Variants in FAM118B observed in about 807,000 individuals in gnomAD.
FAM118B encodes the protein protein FAM118B.
Under a neutral mutation model 38.5 loss-of-function variants are expected in FAM118B, and 24 were observed. That is an observed-to-expected ratio of 0.62 (90% CI 0.45 to 0.88). The LOEUF is 0.88. FAM118B is among the 40% of genes least tolerant of loss of function. FAM118B has a pLI of 0.00. For synonymous variants in FAM118B, 138 were observed against 156.3 expected (o/e 0.88, Z 0.87); for missense variants, 334 against 420.0 (o/e 0.80, Z 1.79).
chr11:126,223,731 C>A (rs958108199), intron 1 of FAM118B, among the ~76,000 whole-genome samples: 3 of 152,066 alleles, frequency 2.0e-5, no homozygotes, highest in Non-Finnish European at 4.4e-5. Flanking sequence ...AGAAATAGTT[C>A]TTCCCCTAAG....
intron 1 of FAM118B, among the ~76,000 whole-genome samples, chr11:126,216,787 G>A (rs1368227443): frequency 6.6e-6 from 1 of 152,224 alleles, no homozygotes; most frequent in Non-Finnish European, 1.5e-5. Context: ...TCACCAATAG[G>A]GCAGGCTCAC....
At chr11:126,245,755 G>T (rs1376399579) in intron 4 of FAM118B, among the ~76,000 whole-genome samples, 1 of 152,076 alleles carries the variant, frequency 6.6e-6, no homozygotes, top group Non-Finnish European at 1.5e-5. Flanking sequence ...CCAGCAATTT[G>T]GGTGGCCAAG....
At chr11:126,246,007 AAAAG>A (rs1255706191) in intron 4 of FAM118B, among the ~76,000 whole-genome samples, 131 of 152,008 alleles carry the variant, frequency 8.6e-4, no homozygotes, top group South Asian at 1.4e-3. Context: ...AAAAAAAAAA[AAAAG>A]AAAGAAAGAA....
chr11:126,228,868 T>G (rs1285841295), intron 1 of FAM118B, among the ~76,000 whole-genome samples: 1 of 152,218 alleles, frequency 6.6e-6, no homozygotes, highest in Non-Finnish European at 1.5e-5. Flanking sequence ...CCTCAAATTT[T>G]AACTCATAGA....
chr11:126,218,703 T>C (rs1047618174), intron 1 of FAM118B, among the ~76,000 whole-genome samples: 8 of 152,180 alleles, frequency 5.3e-5, no homozygotes, highest in Non-Finnish European at 1.2e-4. Context: ...GTTCCCAGCG[T>C]GGGTCTTGTT....
intron 1 of FAM118B, among the ~76,000 whole-genome samples, chr11:126,212,345 C>T (rs1253336071): frequency 6.6e-6 from 1 of 152,180 alleles, no homozygotes; most frequent in African/African-American, 2.4e-5. Context: ...CCCTACTCCT[C>T]CTAAAGAAAA....
At chr11:126,216,534 C>T (rs903969454) in intron 1 of FAM118B, among the ~76,000 whole-genome samples, 30 of 152,122 alleles carry the variant, frequency 2.0e-4, no homozygotes, top group African/African-American at 7.0e-4. Flanking sequence ...ATAACAAAAC[C>T]AGTTTTACCA....
chr11:126,215,554 G>C (rs953626218), intron 1 of FAM118B, among the ~76,000 whole-genome samples: 1 of 151,974 alleles, frequency 6.6e-6, no homozygotes, highest in Non-Finnish European at 1.5e-5. Context: ...AAAATTAGCT[G>C]GGCGTGGTGG....
chr11:126,249,486 A>G (rs1472659178), intron 4 of FAM118B, among the ~76,000 whole-genome samples: 1 of 101,296 alleles, frequency 9.9e-6, no homozygotes, highest in Admixed American at 8.8e-5. Flanking sequence ...TAATCCCAGC[A>G]CTTTGGGAGG....
intron 3 of FAM118B, 97 bp from the exon 4 acceptor site, chr11:126,240,693 TAA>T: frequency 5.4e-6 from 7 of 1,290,622 alleles, no homozygotes; most frequent in Non-Finnish European, 7.4e-6. Flanking sequence ...TTTGCAACTA[TAA>T]AAGTTAGCTA....
At chr11:126,222,980 G>A (rs1468284681) in intron 1 of FAM118B, among the ~76,000 whole-genome samples, 2 of 151,826 alleles carry the variant, frequency 1.3e-5, no homozygotes, top group African/African-American at 4.8e-5. Context: ...TAAAGGGAGT[G>A]GAAAACCAGG....
rs2135231898 is a variant in FAM118B at position 126,262,558 on chromosome 11, A to G, written c.*425A>G. On this transcript the variant is annotated 3_prime_UTR_variant, in exon 9 of 9. Transcript: ENST00000533050. Reference sequence around the variant, plus strand: ...TTCAATTAAGCTTAATGGCTTTTTTAAAACATGACTTGAAGCTCTAGTTTT... The same window carrying G: ...TTCAATTAAGCTTAATGGCTTTTTTGAAACATGACTTGAAGCTCTAGTTTT... 5.7e-6 allele frequency: 1 copy of G among 176,820 alleles called. No homozygotes were observed. 11.0% of individuals were successfully genotyped at this position (176,820 alleles called of 1,614,324 possible).
Position 126,252,393 on chromosome 11 carries a change from A to G in FAM118B, c.567+1660A>G, listed in dbSNP as rs1354017583. Among the ~76,000 whole-genome samples the G allele has an allele frequency of 6.6e-6, 1 of 152,146 alleles. No homozygotes were observed. Among genetic ancestry groups the G allele is most frequent in the Non-Finnish European group, 1.5e-5 (1 of 68,016 alleles). On this transcript the variant is annotated intron_variant, in intron 5 of 8. Transcript: ENST00000533050. The surrounding 1 kb of genome is among the most constrained non-coding windows in gnomAD (Gnocchi z 4.7). ...TAGTCTTTCTTACCCTCATAACTCAAATACAACCCTCATGTCTCAAATATG... is the reference window on the plus strand; with the variant it reads ...TAGTCTTTCTTACCCTCATAACTCAGATACAACCCTCATGTCTCAAATATG...
chr11:126,216,367 C>A (rs1328280174), intron 1 of FAM118B, among the ~76,000 whole-genome samples: 1 of 151,962 alleles, frequency 6.6e-6, no homozygotes, highest in Non-Finnish European at 1.5e-5. Context: ...CAGAGCGAGA[C>A]TCTGTCACCA....
At chr11:126,237,857 AAAAAAAAAAAAAAAAAG>A (rs1950301243) in intron 3 of FAM118B, among the ~76,000 whole-genome samples, 1 of 133,710 alleles carries the variant, frequency 7.5e-6, no homozygotes. Context: ...CTCCGTCTCC[AAAAAAAAAAAAAAAAAG>A]AAAAGAAAAA....
At chr11:126,229,637 T>G (rs1258320572) in intron 2 of FAM118B, among the ~76,000 whole-genome samples, 2 of 152,128 alleles carry the variant, frequency 1.3e-5, no homozygotes, top group Non-Finnish European at 2.9e-5. Context: ...GAGACGGGGT[T>G]TCACCATCTT....
At chr11:126,219,349 C>CTTTTTTTTTTTTTTTTTTTTTTTTTTT (rs549922825) in intron 1 of FAM118B, among the ~76,000 whole-genome samples, 7 of 44,466 alleles carry the variant, frequency 1.6e-4, no homozygotes, top group African/African-American at 2.0e-4. Context: ...TCTTGTTTAT[C>CTTTTTTTTTTTTTTTTTTTTTTTTTTT]TTTTTTTTTT....
In FAM118B at chr11:126,250,760, T is replaced by C; in HGVS notation, c.567+27T>C. 2 of 1,508,380 alleles carry C rather than the reference T, an allele frequency of 1.3e-6. No homozygotes were observed. Among genetic ancestry groups the C allele is most frequent in the Middle Eastern group, 1.7e-4 (1 of 5,864 alleles). 93.4% of individuals were successfully genotyped at this position (1,508,380 alleles called of 1,614,324 possible). ...TAAAAAGTAAAGCATTGGTCCCTTCTTCAGGCTAGTGGATTTTATCTTCCT... is the reference window on the plus strand; with the variant it reads ...TAAAAAGTAAAGCATTGGTCCCTTCCTCAGGCTAGTGGATTTTATCTTCCT... On this transcript the variant is annotated intron_variant, in intron 5 of 8. Coordinates refer to ENST00000533050, the MANE Select transcript of FAM118B (RefSeq NM_024556.4). This position sits in a 1 kb window ranked among gnomAD's most constrained non-coding sequence, Gnocchi z 5.1.
chr11:126,235,123 C>G (rs752492958), intron 3 of FAM118B, 36 bp downstream of exon 3: 4 of 1,579,902 alleles, frequency 2.5e-6, no homozygotes, highest in Non-Finnish European at 2.6e-6. Context: ...AGTAAATTAC[C>G]ATTAGTGGGA....
Sources: allele counts gnomAD v4.1 joint callset (sites outside exome capture counted in the v4.1 genomes callset), GRCh38; gene constraint gnomAD v4.1.1; non-coding constraint Gnocchi (gnomAD v3.1); transcripts MANE v1.5; gene names NCBI Gene and HGNC (gene_info 2026-07-23, HGNC 2026-07-21).